Variants in TRAPPC10 observed in about 807,000 individuals in gnomAD.
The protein encoded by TRAPPC10 is TRAPP 130 kDa subunit.
A neutral mutation model predicts 125.5 loss-of-function variants in TRAPPC10; 23 were observed. That is an observed-to-expected ratio of 0.18 (90% CI 0.13 to 0.26). The LOEUF (loss-of-function observed/expected upper bound fraction) is 0.26. Among genes scored for constraint, TRAPPC10 ranks in the 10% least tolerant of loss-of-function variants. The pLI is 1.00. For synonymous variants in TRAPPC10, 509 were observed against 518.0 expected (o/e 0.98, Z 0.24); for missense variants, 1,123 against 1,308.4 (o/e 0.86, Z 2.19).
chr21:44,064,338 T>A (rs967571834), intron 7 of TRAPPC10, among the ~76,000 whole-genome samples: 9 of 148,814 alleles, frequency 6.0e-5, no homozygotes, highest in African/African-American at 1.3e-4. Flanking sequence ...TGTGTGTGTG[T>A]GAGTGTGAGA....
At chr21:44,025,563 A>G (rs2032961878) in intron 1 of TRAPPC10, among the ~76,000 whole-genome samples, 2 of 152,158 alleles carry the variant, frequency 1.3e-5, no homozygotes, top group South Asian at 4.1e-4. Flanking sequence ...AGAGAAGGCA[A>G]CTTGTTTCCT....
intron 1 of TRAPPC10, among the ~76,000 whole-genome samples, chr21:44,017,679 C>T (rs904387465): frequency 3.3e-5 from 5 of 151,280 alleles, no homozygotes; most frequent in African/African-American, 1.2e-4. Flanking sequence ...GCAGGCCCTG[C>T]GGGAGCTCTG....
Position 44,092,192 on chromosome 21 carries a change from C to G in TRAPPC10, c.2997+143C>G, listed in dbSNP as rs1050233935. 6.6e-6 allele frequency: 7 copies of G among 1,060,582 alleles called. No homozygotes were observed. In the African/African-American group the frequency reaches 1.1e-4, roughly 17 times the overall value. 65.7% of individuals were successfully genotyped at this position (1,060,582 alleles called of 1,614,324 possible). A position where few individuals can be genotyped will look rare whatever the true frequency, so the allele number is the denominator to read the frequency against. ...AAAGGCTCCTGTGCAGCTCCTCCGG[C>G]TGCCCTGAGGCTGGATCGAGGCTTG... On this transcript the variant is annotated intron_variant, in intron 19 of 22. Coordinates refer to ENST00000291574, the MANE Select transcript of TRAPPC10 (RefSeq NM_003274.5).
chr21:44,063,885 A>G lies in TRAPPC10; in HGVS notation c.1038+100A>G. On this transcript the variant is annotated intron_variant, in intron 7 of 22. Coordinates refer to ENST00000291574, the MANE Select transcript of TRAPPC10 (RefSeq NM_003274.5). The surrounding 1 kb of genome is among the most constrained non-coding windows in gnomAD (Gnocchi z 4.4). Reference sequence around the variant, plus strand: ...GCATTGAACTGTTTGTGCTTAAGAAAGGGTTTTCTTTTCTGAATGCCTTTA... The same window carrying G: ...GCATTGAACTGTTTGTGCTTAAGAAGGGGTTTTCTTTTCTGAATGCCTTTA... The G allele has an allele frequency of 3.4e-6, 5 of 1,482,242 alleles. No individual in the cohort carries two copies. The South Asian group carries it at 4.1e-5, about 12-fold the overall frequency. 91.8% of individuals were successfully genotyped at this position (1,482,242 alleles called of 1,614,324 possible). A position where few individuals can be genotyped will look rare whatever the true frequency, so the allele number is the denominator to read the frequency against.
intron 3 of TRAPPC10, among the ~76,000 whole-genome samples, chr21:44,049,889 GT>G (rs533873331): frequency 1.8e-5 from 2 of 114,058 alleles, no homozygotes; most frequent in Non-Finnish European, 3.5e-5. Context: ...TTTTTTTTTT[GT>G]TTTTTTTGAG....
At chr21:44,014,376 A>G (rs1188483088) in intron 1 of TRAPPC10, among the ~76,000 whole-genome samples, 1 of 135,190 alleles carries the variant, frequency 7.4e-6, no homozygotes, top group African/African-American at 3.5e-5. Flanking sequence ...TTTGAGCAGC[A>G]GAGTGAATTT....
intron 19 of TRAPPC10, among the ~76,000 whole-genome samples, chr21:44,093,431 G>A (rs983419445): frequency 1.3e-5 from 2 of 151,112 alleles, no homozygotes; most frequent in African/African-American, 2.4e-5. Flanking sequence ...TCCAGCCTGG[G>A]TGACAGAGTG....
At chr21:44,078,813 C>T (rs1168477303) in intron 11 of TRAPPC10, among the ~76,000 whole-genome samples, 1 of 152,180 alleles carries the variant, frequency 6.6e-6, no homozygotes, top group Non-Finnish European at 1.5e-5. Context: ...CAAGGCCGCA[C>T]ACACCAGTAG....
intron 12 of TRAPPC10, 107 bp downstream of exon 12, chr21:44,079,811 CCTAA>C: frequency 7.9e-7 from 1 of 1,273,700 alleles, no homozygotes; most frequent in Non-Finnish European, 1.1e-6. Flanking sequence ...AGAGAAAAGT[CCTAA>C]CTTATACATA....
At position 44,091,999 on chromosome 21, in the gene TRAPPC10, G is replaced by C. The variant is rs145633595; in HGVS notation, c.2947G>C (p.Gly983Arg). Reference sequence around the variant, plus strand: ...GTCAGATAGTTATCTTGTAGATACCGGTGATAGTACCGACCTGCAACTAGT... The same window carrying C: ...GTCAGATAGTTATCTTGTAGATACCCGTGATAGTACCGACCTGCAACTAGT... The part of the protein sequence containing the change: ...QLSDSYLVDT[G>R]DSTDLQLVPL... Residue 983 changes from glycine (G) to arginine (R), a missense_variant, in exon 19 of 23, where the codon GGT becomes CGT. Physicochemically the swap from Gly to Arg is moderately radical, Grantham distance 125 (BLOSUM62 -2). Coordinates refer to ENST00000291574, the MANE Select transcript of TRAPPC10 (RefSeq NM_003274.5). 338 of 1,614,122 alleles carry C rather than the reference G, an allele frequency of 2.1e-4. 4 individuals carry two copies. The South Asian group carries it at 3.5e-3, about 17-fold the overall frequency.
At chr21:44,090,608 G>A (rs75339797) in intron 18 of TRAPPC10, among the ~76,000 whole-genome samples, 2,032 of 152,310 alleles carry the variant, frequency 0.013, 50 homozygotes, top group African/African-American at 0.047. Context: ...CTTTGAGGCA[G>A]GCGGGGCTGT....
chr21:44,023,107 A>C (rs1275060570), intron 1 of TRAPPC10, among the ~76,000 whole-genome samples: 1 of 127,718 alleles, frequency 7.8e-6, no homozygotes, highest in African/African-American at 3.2e-5. Flanking sequence ...ATCTTGGCTC[A>C]CTGCAAGTTC....
At chr21:44,073,875 T>G (rs2037070488) in intron 7 of TRAPPC10, among the ~76,000 whole-genome samples, 1 of 152,104 alleles carries the variant, frequency 6.6e-6, no homozygotes, top group Non-Finnish European at 1.5e-5. Context: ...GACCAAGCAG[T>G]CATTTGAGGT....
chr21:44,025,439 TA>T (rs1358892478), intron 1 of TRAPPC10, among the ~76,000 whole-genome samples: 1 of 152,252 alleles, frequency 6.6e-6, no homozygotes, highest in Non-Finnish European at 1.5e-5. Flanking sequence ...TGTGTTTATT[TA>T]AAAAATGTAT....
At chr21:44,046,816 GTC>G in intron 3 of TRAPPC10, 1 of 597,882 alleles carries the variant, frequency 1.7e-6, no homozygotes, top group South Asian at 1.8e-5. Context: ...CCACCTTTAA[GTC>G]TTTTGATGCA....
At chr21:44,033,500 T>C (rs1021285514) in intron 2 of TRAPPC10, among the ~76,000 whole-genome samples, 1 of 152,048 alleles carries the variant, frequency 6.6e-6, no homozygotes, top group Non-Finnish European at 1.5e-5. Flanking sequence ...AAGGGCATTC[T>C]GATAGATAAA....
At chr21:44,020,506 C>CT in intron 1 of TRAPPC10, among the ~76,000 whole-genome samples, 1 of 151,032 alleles carries the variant, frequency 6.6e-6, no homozygotes. Flanking sequence ...CATGGTGGTG[C>CT]GTGCTTCTAG....
In TRAPPC10 at chr21:44,077,578, C is replaced by G. The variant is rs572464585; in HGVS notation, c.1378-115C>G. On this transcript the variant is annotated intron_variant, in intron 10 of 22. Coordinates refer to ENST00000291574, the MANE Select transcript of TRAPPC10 (RefSeq NM_003274.5). ...CCAGCCTGGGCGATGGAGCAAGACTCTGTCTCAAAACAAAAACCCAACAAT... is the reference window on the plus strand; with the variant it reads ...CCAGCCTGGGCGATGGAGCAAGACTGTGTCTCAAAACAAAAACCCAACAAT... The G allele has an allele frequency of 6.4e-5, 49 of 761,000 alleles. No homozygotes were observed. In the African/African-American group the frequency reaches 7.8e-4, roughly 12 times the overall value. 47.1% of individuals were successfully genotyped at this position (761,000 alleles called of 1,614,324 possible).
chr21:44,080,151 A>T (rs1295727635), intron 13 of TRAPPC10, 24 bp downstream of exon 13: 1 of 1,580,866 alleles, frequency 6.3e-7, no homozygotes, highest in Non-Finnish European at 8.7e-7. Context: ...TTACAACTTG[A>T]CTAGGAATAT....
Sources: allele counts gnomAD v4.1 joint callset (sites outside exome capture counted in the v4.1 genomes callset), GRCh38; gene constraint gnomAD v4.1.1; non-coding constraint Gnocchi (gnomAD v3.1); transcripts MANE v1.5; gene names NCBI Gene and HGNC (gene_info 2026-07-23, HGNC 2026-07-21).